Variants in PKHD1 observed in about 807,000 individuals in gnomAD.
PKHD1 encodes fibrocystin.
In PKHD1, 291 loss-of-function variants were observed where a neutral mutation model predicts 412.0. That is an observed-to-expected ratio of 0.71 (90% CI 0.64 to 0.78). PKHD1 has a LOEUF of 0.78. PKHD1 is among the 30% of genes least tolerant of loss of function. The pLI is 0.00. For synonymous variants in PKHD1, 1,777 were observed against 1,821.5 expected (o/e 0.98, Z 0.62); for missense variants, 4,825 against 4,950.7 (o/e 0.97, Z 0.76).
In PKHD1 at chr6:51,732,177, G is replaced by GT. The variant is rs1308231685; in HGVS notation, c.10156+12207_10156+12208insA. ...GGATGCTAAGATACTAAGTCACACT[G>GT]GTGCATTATATTTCTTTTGAACAAT... On this transcript the variant is annotated intron_variant, in intron 60 of 66. Transcript: ENST00000371117. 7.2e-5 allele frequency among the ~76,000 whole-genome samples: 11 copies of GT among 152,122 alleles called. No individual in the cohort carries two copies. The East Asian group carries it at 1.7e-3, about 24-fold the overall frequency.
At chr6:51,776,386 T>C (rs749620502) in intron 53 of PKHD1, among the ~76,000 whole-genome samples, 1 of 152,024 alleles carries the variant, frequency 6.6e-6, no homozygotes, top group Non-Finnish European at 1.5e-5. Flanking sequence ...TGAAGAGATA[T>C]GCAGAGCAAA....
chr6:51,907,603 T>C (rs952173637), intron 40 of PKHD1, among the ~76,000 whole-genome samples: 25 of 152,168 alleles, frequency 1.6e-4, no homozygotes, highest in African/African-American at 5.8e-4. Flanking sequence ...CATTTACCTA[T>C]GTAACAAACC....
chr6:51,772,836 A>G (rs1268279693), intron 54 of PKHD1, 47 bp from the exon 55 acceptor site: 1 of 1,055,874 alleles, frequency 9.5e-7, no homozygotes, highest in Non-Finnish European at 1.5e-6. Flanking sequence ...CCTTCAGAGG[A>G]ATGAAAGCCA....
chr6:51,937,189 C>A (rs1489626375), intron 36 of PKHD1, among the ~76,000 whole-genome samples: 1 of 152,194 alleles, frequency 6.6e-6, no homozygotes, highest in East Asian at 1.9e-4. Context: ...CAACCAATTG[C>A]CAGTCAGAAA....
At chr6:52,056,833 A>G (rs765156708) in intron 17 of PKHD1, 45 bp from the exon 18 acceptor site, 19 of 1,585,852 alleles carry the variant, frequency 1.2e-5, no homozygotes, top group Admixed American at 3.3e-5. Context: ...TCATGAGCAT[A>G]AAGACCACCC....
At chr6:51,660,539 C>T (rs1023232712) in intron 60 of PKHD1, among the ~76,000 whole-genome samples, 1 of 152,162 alleles carries the variant, frequency 6.6e-6, no homozygotes, top group African/African-American at 2.4e-5. Context: ...TAGGCTGTGA[C>T]CTCTGCTTCT....
At chr6:51,693,196 A>T (rs1433048599) in intron 60 of PKHD1, among the ~76,000 whole-genome samples, 1 of 152,226 alleles carries the variant, frequency 6.6e-6, no homozygotes, top group Non-Finnish European at 1.5e-5. Flanking sequence ...CAAAATCATC[A>T]TCTGTCCTGA....
intron 46 of PKHD1, among the ~76,000 whole-genome samples, chr6:51,882,518 G>C (rs192446433): frequency 3.9e-5 from 6 of 152,254 alleles, no homozygotes; most frequent in Admixed American, 2.6e-4. Flanking sequence ...ATAAATCTAT[G>C]ATTTCCATAA....
At chr6:51,929,913 T>C (rs1283216292) in intron 37 of PKHD1, among the ~76,000 whole-genome samples, 1 of 152,164 alleles carries the variant, frequency 6.6e-6, no homozygotes, top group Non-Finnish European at 1.5e-5. Context: ...CATGAGACTG[T>C]TTTTCTCCTA....
intron 63 of PKHD1, among the ~76,000 whole-genome samples, chr6:51,647,263 T>A (rs1177127902): frequency 6.6e-6 from 1 of 152,194 alleles, no homozygotes; most frequent in Non-Finnish European, 1.5e-5. Context: ...GTGAGAGGGT[T>A]AAATAGGAAC....
rs375472990 is a variant in PKHD1, at chr6:51,990,358, C to T, written c.5751+19951G>A. ...CTTAACAACCTTGTGCAGATGTTGC[C>T]TCTCCCAACACTGATAATATCTGCT... is the stretch of plus-strand genomic sequence containing the variant. On this transcript the variant is annotated intron_variant, in intron 35 of 66. Transcript: ENST00000371117. Among the ~76,000 whole-genome samples, 52 of 152,246 alleles carry T rather than the reference C, an allele frequency of 3.4e-4. No homozygotes were observed. The South Asian group carries it at 0.011, about 31-fold the overall frequency.
chr6:52,003,601 C>T (rs1023456447), intron 35 of PKHD1, among the ~76,000 whole-genome samples: 2 of 152,072 alleles, frequency 1.3e-5, no homozygotes, highest in Admixed American at 6.6e-5. Flanking sequence ...CTCTTTATTG[C>T]GGTATGTTTT....
intron 64 of PKHD1, 46 bp downstream of exon 64, chr6:51,638,799 CAAAA>C (rs376358912): frequency 1.0e-4 from 86 of 849,234 alleles, no homozygotes; most frequent in Non-Finnish European, 1.3e-4. Flanking sequence ...ATTATCTTCT[CAAAA>C]AAAAAAAAAA....
At chr6:52,012,734 G>T (rs1041609012) in intron 34 of PKHD1, among the ~76,000 whole-genome samples, 7 of 152,152 alleles carry the variant, frequency 4.6e-5, no homozygotes, top group African/African-American at 1.7e-4. Flanking sequence ...TGTTACTGGG[G>T]GTGGAGAAGT....
chr6:51,653,635 C>T (rs1246890991), intron 61 of PKHD1, among the ~76,000 whole-genome samples: 1 of 152,054 alleles, frequency 6.6e-6, no homozygotes, highest in Admixed American at 6.6e-5. Flanking sequence ...ATTCCAGTAA[C>T]CTTAGGTATA....
At position 52,027,869 on chromosome 6, in the gene PKHD1, T is replaced by C; in HGVS notation, c.3588A>G (p.Thr1196=). ...QGVDLHIQYL[T]EVFSIEPCCG... Reference sequence around the variant, plus strand: ...AGCAAGGCTCGATGCTGAAAACTTCTGTGAGGTACTGGATGTGGAGATCAA... The same window carrying C: ...AGCAAGGCTCGATGCTGAAAACTTCCGTGAGGTACTGGATGTGGAGATCAA... Residue 1196 remains threonine (T), a synonymous_variant, in exon 31 of 67, where the codon ACA becomes ACG. Transcript: ENST00000371117. 6.2e-7 allele frequency: 1 copy of C among 1,613,624 alleles called. No individual in the cohort carries two copies. The highest frequency in any genetic ancestry group is 8.5e-7 in the Non-Finnish European group (1 of 1,179,506).
intron 46 of PKHD1, among the ~76,000 whole-genome samples, chr6:51,872,875 CTTTTTTTT>C (rs33953182): frequency 2.5e-5 from 2 of 81,492 alleles, no homozygotes; most frequent in Non-Finnish European, 4.4e-5. Flanking sequence ...CCATCGTTTC[CTTTTTTTT>C]TTTTTTTTTT....
chr6:52,039,589 C>T (rs1804509292), intron 27 of PKHD1, among the ~76,000 whole-genome samples: 1 of 152,156 alleles, frequency 6.6e-6, no homozygotes, highest in Non-Finnish European at 1.5e-5. Context: ...TTTCCGGTCT[C>T]AGGTAGTTCT....
intron 35 of PKHD1, among the ~76,000 whole-genome samples, chr6:52,008,488 A>G (rs377745700): frequency 6.6e-6 from 1 of 152,208 alleles, no homozygotes; most frequent in Non-Finnish European, 1.5e-5. Context: ...ACTCAAATGT[A>G]TGTCACATAA....
Sources: allele counts gnomAD v4.1 joint callset (sites outside exome capture counted in the v4.1 genomes callset), GRCh38; gene constraint gnomAD v4.1.1; transcripts MANE v1.5; gene names NCBI Gene and HGNC (gene_info 2026-07-23, HGNC 2026-07-21).